CCDC178: variants seen among roughly 807,000 people sequenced by gnomAD.
The protein encoded by CCDC178 is coiled-coil domain-containing protein 178.
In CCDC178, 126 loss-of-function variants were observed where a neutral mutation model predicts 117.4. That is an observed-to-expected ratio of 1.07 (90% CI 0.93 to 1.24). CCDC178 has a LOEUF of 1.24. CCDC178 is among the 50% of genes most tolerant of loss of function. CCDC178 has a pLI of 0.00. For missense variants in CCDC178, 1,030 were observed against 986.9 expected, an observed-to-expected ratio of 1.04 and a Z score of -0.59; for synonymous variants, 283 against 313.4, an observed-to-expected ratio of 0.90 and a Z score of 1.02.
At chr18:33,211,443 A>C (rs766305060) in intron 20 of CCDC178, among the ~76,000 whole-genome samples, 3 of 151,826 alleles carry the variant, frequency 2.0e-5, no homozygotes, top group Non-Finnish European at 4.4e-5. Context: ...CAAACAAGTA[A>C]ATTTATAGGT....
At chr18:33,323,037 T>C (rs1000095599) in intron 11 of CCDC178, 5 of 151,446 alleles carry the variant, frequency 3.3e-5, no homozygotes, top group Non-Finnish European at 5.9e-5. Flanking sequence ...ATAAATAATA[T>C]GCCAAAATAA....
chr18:32,950,039 T>C (rs1458771892), intron 22 of CCDC178, among the ~76,000 whole-genome samples: 1 of 152,184 alleles, frequency 6.6e-6, no homozygotes, highest in Non-Finnish European at 1.5e-5. Flanking sequence ...TTCTCTTAGA[T>C]ACAAACATGT....
At chr18:33,193,135 C>A (rs530981404) in intron 20 of CCDC178, among the ~76,000 whole-genome samples, 2 of 145,836 alleles carry the variant, frequency 1.4e-5, no homozygotes, top group Admixed American at 1.4e-4. Flanking sequence ...TGGTGGCAGG[C>A]GCCTGTAGTC....
intron 5 of CCDC178, among the ~76,000 whole-genome samples, chr18:33,385,547 G>T (rs1285657037): frequency 6.6e-6 from 1 of 152,008 alleles, no homozygotes. Flanking sequence ...TAGAACTCAA[G>T]ATTAAAAAGC....
rs181857941 is a variant in CCDC178, at chr18:33,134,866, G to A, written c.2239-41956C>T. 2.3e-4 allele frequency among the ~76,000 whole-genome samples: 35 copies of A among 152,070 alleles called. 1 individual carries two copies. The highest frequency in any genetic ancestry group is 1.6e-3 in the Admixed American group (25 of 15,270). On this transcript the variant is annotated intron_variant, in intron 20 of 22. Transcript: ENST00000383096. ...ATGGTCAGATCAATTAGGACTTCTTGGTGGCAAACCAATGAGCAAGTGCTG... is the reference window on the plus strand; with the variant it reads ...ATGGTCAGATCAATTAGGACTTCTTAGTGGCAAACCAATGAGCAAGTGCTG...
At chr18:32,946,722 G>GT (rs1413467659) in intron 22 of CCDC178, among the ~76,000 whole-genome samples, 28 of 30,052 alleles carry the variant, frequency 9.3e-4, no homozygotes, top group South Asian at 3.3e-3. Flanking sequence ...TGGTTTTTTG[G>GT]GTTTTTTTTT....
At chr18:33,256,566 T>G (rs1387438360) in intron 14 of CCDC178, among the ~76,000 whole-genome samples, 1 of 152,068 alleles carries the variant, frequency 6.6e-6, no homozygotes, top group African/African-American at 2.4e-5. Context: ...ATTTCTGAGT[T>G]TATGTTGTGT....
chr18:33,333,178 A>ATTT lies in CCDC178; in HGVS notation c.872_874dup (p.Lys291dup). 7.0e-7 allele frequency: 1 copy of ATTT among 1,425,554 alleles called. No homozygotes were observed. Among genetic ancestry groups the ATTT allele is most frequent in the Non-Finnish European group, 9.6e-7 (1 of 1,043,262 alleles). The allele number at this position is 1,425,554 out of a possible 1,614,324, so 88.3% of individuals were successfully genotyped here. ...CTCATGCATTCGTTTATTTACCTCC[A>ATTT]TTTTTTTTTTATAATGGTTCTTCAG... On this transcript the variant is annotated inframe_insertion, in exon 10 of 23. Transcript: ENST00000383096.
intron 21 of CCDC178, among the ~76,000 whole-genome samples, chr18:33,005,053 T>A (rs1231395590): frequency 1.3e-5 from 2 of 152,058 alleles, no homozygotes; most frequent in Admixed American, 6.6e-5. Context: ...GAAAATAGTT[T>A]GGAGGTTGTT....
intron 18 of CCDC178, among the ~76,000 whole-genome samples, chr18:33,219,050 C>A (rs2059201041): frequency 6.6e-6 from 1 of 152,126 alleles, no homozygotes; most frequent in Non-Finnish European, 1.5e-5. Context: ...GGCAGTATGG[C>A]AGTTTTCACA....
chr18:33,398,035 TTTA>T (rs1393474868), intron 3 of CCDC178, among the ~76,000 whole-genome samples: 62 of 152,208 alleles, frequency 4.1e-4, no homozygotes, highest in African/African-American at 1.4e-3. Flanking sequence ...TGAGGCCTAC[TTTA>T]TTTGTGACTT....
intron 11 of CCDC178, among the ~76,000 whole-genome samples, chr18:33,311,606 C>T (rs753175686): frequency 1.1e-4 from 16 of 152,300 alleles, no homozygotes; most frequent in Admixed American, 3.3e-4. Flanking sequence ...TTCAATGTGC[C>T]GCTTCTTCAG....
At chr18:33,055,881 T>A (rs1385462013) in intron 21 of CCDC178, among the ~76,000 whole-genome samples, 2 of 151,900 alleles carry the variant, frequency 1.3e-5, no homozygotes, top group African/African-American at 4.8e-5. Context: ...GTTGGCTCCC[T>A]GCAACCTCCA....
At chr18:33,414,492 G>A (rs1440894288) in intron 2 of CCDC178, among the ~76,000 whole-genome samples, 1 of 152,172 alleles carries the variant, frequency 6.6e-6, no homozygotes, top group Non-Finnish European at 1.5e-5. Flanking sequence ...AAACTGGCTA[G>A]CCACAGGTAG....
chr18:33,224,644 G>T, intron 17 of CCDC178, 131 bp downstream of exon 17: 1 of 513,786 alleles, frequency 1.9e-6, no homozygotes, highest in Non-Finnish European at 3.3e-6. Context: ...AAGTTGCGTG[G>T]TCCTGAAATA....
At chr18:33,355,511 C>CA (rs2063041295) in intron 7 of CCDC178, among the ~76,000 whole-genome samples, 1 of 152,254 alleles carries the variant, frequency 6.6e-6, no homozygotes, top group Admixed American at 6.5e-5. Flanking sequence ...CCTGCCCATG[C>CA]AGATCCTAAA....
chr18:33,177,967 G>C lies in CCDC178; in HGVS notation c.2238+33929C>G, dbSNP rs368342781. ...TGTTCTCATGAAATATGAGTGCTCC[G>C]CAAATTCCTCTGTACCCTTAGCAAC... On this transcript the variant is annotated intron_variant, in intron 20 of 22. Transcript: ENST00000383096. 7.9e-5 allele frequency among the ~76,000 whole-genome samples: 12 copies of C among 151,988 alleles called. 1 individual carries two copies. In the South Asian group the frequency reaches 2.3e-3, roughly 29 times the overall value.
chr18:33,355,765 T>C (rs1203167316), intron 7 of CCDC178, among the ~76,000 whole-genome samples: 1 of 152,190 alleles, frequency 6.6e-6, no homozygotes, highest in Non-Finnish European at 1.5e-5. Context: ...TGCCTGTAAG[T>C]AGCCCCAGCC....
intron 20 of CCDC178, among the ~76,000 whole-genome samples, chr18:33,166,618 A>G (rs1261661503): frequency 6.6e-6 from 1 of 152,200 alleles, no homozygotes; most frequent in African/African-American, 2.4e-5. Context: ...ACAAATCCAA[A>G]TCAAATAGAC....
Sources: allele counts gnomAD v4.1 joint callset (sites outside exome capture counted in the v4.1 genomes callset), GRCh38; gene constraint gnomAD v4.1.1; transcripts MANE v1.5; gene names NCBI Gene and HGNC (gene_info 2026-07-23, HGNC 2026-07-21).